Variants in EXOC1L observed in about 807,000 individuals in gnomAD.
The protein encoded by EXOC1L is exocyst complex component 1-like.
In EXOC1L, 10 loss-of-function variants were observed where a neutral mutation model predicts 4.9. The ratio of observed to expected loss-of-function variants is 2.02; its 90% confidence interval spans 1.25 to 3.43. The LOEUF (loss-of-function observed/expected upper bound fraction) is 3.43, where lower values mean the gene tolerates loss of function less well. Among genes scored for constraint, EXOC1L ranks in the 30% most tolerant of loss-of-function variants. EXOC1L has a pLI of 0.00. For missense variants in EXOC1L, 114 were observed against 59.4 expected (o/e 1.92, Z -3.02); for synonymous variants, 41 against 20.8 (o/e 1.97, Z -2.63).
chr4:55,824,005 AAAG>A (rs771191467), intron 1 of EXOC1L, among the ~76,000 whole-genome samples: 13 of 152,132 alleles, frequency 8.5e-5, no homozygotes, highest in African/African-American at 1.7e-4. Flanking sequence ...AAAATAATGA[AAAG>A]AAGAAATATA....
intron 2 of EXOC1L, 116 bp from the exon 3 acceptor site, chr4:55,836,969 T>C (rs1720180912): frequency 2.1e-6 from 1 of 471,546 alleles, no homozygotes; most frequent in Non-Finnish European, 3.8e-6. Context: ...TTTAGAAATA[T>C]GTTTGATACT....
chr4:55,819,976 A>G lies in EXOC1L; in HGVS notation c.-51A>G. ...CGAGAAATCTAGGGAGCAAAAGGAG[A>G]GGAAAGAGTGAGCTTGAGCCAAGAC... On this transcript the variant is annotated 5_prime_UTR_variant, in exon 1 of 3. Coordinates refer to ENST00000636125, the MANE Select transcript of EXOC1L (RefSeq NM_001351574.3). 1 of 398,706 alleles carries G rather than the reference A, an allele frequency of 2.5e-6. No homozygotes were observed. The highest frequency in any genetic ancestry group is 4.4e-5 in the Admixed American group (1 of 22,722). The allele number at this position is 398,706 out of a possible 1,614,324, so 24.7% of individuals were successfully genotyped here.
chr4:55,828,130 T>C (rs1252959801), intron 1 of EXOC1L, among the ~76,000 whole-genome samples: 1 of 152,116 alleles, frequency 6.6e-6, no homozygotes, highest in East Asian at 1.9e-4. Context: ...TCTTCCAAAC[T>C]CCTGGAATAT....
intron 1 of EXOC1L, among the ~76,000 whole-genome samples, chr4:55,827,966 G>A (rs1719927385): frequency 6.6e-6 from 1 of 152,132 alleles, no homozygotes; most frequent in African/African-American, 2.4e-5. Flanking sequence ...GAGAAGGATA[G>A]GTGGGCAGAA....
At chr4:55,821,918 A>C (rs906361656) in intron 1 of EXOC1L, among the ~76,000 whole-genome samples, 10 of 152,232 alleles carry the variant, frequency 6.6e-5, no homozygotes, top group African/African-American at 2.4e-4. Context: ...ACAGTAATTT[A>C]AAATAAGTCA....
At chr4:55,824,808 C>T (rs954751243) in intron 1 of EXOC1L, among the ~76,000 whole-genome samples, 13 of 152,220 alleles carry the variant, frequency 8.5e-5, no homozygotes, top group South Asian at 4.1e-4. Context: ...CTAAAAGGGC[C>T]GGTAGCTTGG....
In EXOC1L at chr4:55,823,877, C is replaced by A. The variant is rs559370139; in HGVS notation, c.121+3730C>A. Among the ~76,000 whole-genome samples, 7 of 152,216 alleles carry A rather than the reference C, an allele frequency of 4.6e-5. No homozygotes were observed. In the East Asian group the frequency reaches 1.4e-3, roughly 29 times the overall value. ...ATCTTCCCTTTTATGACCTATAATA[C>A]TTCCTTTAATAAATATGAATAGATT... On this transcript the variant is annotated intron_variant, in intron 1 of 2. Coordinates refer to ENST00000636125, the MANE Select transcript of EXOC1L (RefSeq NM_001351574.3).
intron 2 of EXOC1L, 120 bp from the exon 3 acceptor site, chr4:55,836,965 A>G (rs1237313207): frequency 2.1e-6 from 1 of 473,534 alleles, no homozygotes; most frequent in East Asian, 3.2e-5. Context: ...AGATTTTAGA[A>G]ATATGTTTGA....
chr4:55,831,148 G>A (rs991573103), intron 1 of EXOC1L, among the ~76,000 whole-genome samples, 186 bp from the exon 2 acceptor site: 7 of 152,070 alleles, frequency 4.6e-5, no homozygotes, highest in African/African-American at 1.4e-4. Flanking sequence ...AAGTTAATAC[G>A]TTGAGCAAAT....
intron 1 of EXOC1L, among the ~76,000 whole-genome samples, chr4:55,827,920 A>G (rs1244728728): frequency 2.0e-5 from 3 of 152,158 alleles, no homozygotes; most frequent in African/African-American, 2.4e-5. Context: ...CAAGACTAAC[A>G]TCTACACCAG....
In EXOC1L at chr4:55,837,171, T is replaced by G; in HGVS notation, c.339T>G (p.Thr113=). ...CTTCTAAATATGCCTTTGCTCGAACTGTAAATAAGCTGAATCATGCATATC... is the reference window on the plus strand; with the variant it reads ...CTTCTAAATATGCCTTTGCTCGAACGGTAAATAAGCTGAATCATGCATATC... ...SCASKYAFAR[T]VNKLNHAYLK... Residue 113 remains threonine, a synonymous_variant, in exon 3 of 3, where the codon ACT becomes ACG. Coordinates refer to ENST00000636125, the MANE Select transcript of EXOC1L (RefSeq NM_001351574.3). 1 of 702,142 alleles carries G rather than the reference T, an allele frequency of 1.4e-6. No homozygotes were observed. The highest frequency in any genetic ancestry group is 2.7e-5 in the East Asian group (1 of 37,250). 43.5% of individuals were successfully genotyped at this position (702,142 alleles called of 1,614,324 possible).
intron 2 of EXOC1L, among the ~76,000 whole-genome samples, chr4:55,836,862 G>A (rs894940026): frequency 2.0e-5 from 3 of 151,852 alleles, no homozygotes; most frequent in Non-Finnish European, 4.4e-5. Flanking sequence ...TTGTCTAATT[G>A]AAAAAACATA....
intron 1 of EXOC1L, among the ~76,000 whole-genome samples, chr4:55,822,129 C>T (rs945323675): frequency 1.3e-5 from 2 of 152,096 alleles, no homozygotes; most frequent in Non-Finnish European, 2.9e-5. Context: ...GTGAGACTTG[C>T]GAGTCCAGTG....
At position 55,837,434 on chromosome 4, in the gene EXOC1L, T is replaced by C. The variant is rs1577669951; in HGVS notation, c.*83T>C. On this transcript the variant is annotated 3_prime_UTR_variant, in exon 3 of 3. Transcript: ENST00000636125. ...TTGATTGTCATAATTTTGTTTTTCC[T>C]TCATCAGTGATTATTATAATTTAAA... is the stretch of plus-strand genomic sequence containing the variant. The C allele has an allele frequency of 2.3e-6, 1 of 440,040 alleles. No homozygotes were observed. The highest frequency in any genetic ancestry group is 3.3e-5 in the East Asian group (1 of 29,942). 27.3% of individuals were successfully genotyped at this position (440,040 alleles called of 1,614,324 possible).
intron 1 of EXOC1L, among the ~76,000 whole-genome samples, chr4:55,822,263 A>G (rs1019227742): frequency 1.3e-5 from 2 of 152,188 alleles, no homozygotes; most frequent in African/African-American, 2.4e-5. Flanking sequence ...ATTATGACTT[A>G]CTGTTAAATC....
intron 1 of EXOC1L, among the ~76,000 whole-genome samples, chr4:55,824,762 T>C (rs1747386916): frequency 6.6e-6 from 1 of 152,224 alleles, no homozygotes; most frequent in Non-Finnish European, 1.5e-5. Context: ...TGAGTCCTCT[T>C]GTTACCTTGC....
intron 1 of EXOC1L, among the ~76,000 whole-genome samples, chr4:55,830,491 C>G (rs1180376483): frequency 6.6e-6 from 1 of 152,148 alleles, no homozygotes; most frequent in Non-Finnish European, 1.5e-5. Flanking sequence ...TTCTATCATG[C>G]AAGTAGCAAA....
At chr4:55,835,712 T>C (rs527927734) in intron 2 of EXOC1L, among the ~76,000 whole-genome samples, 8 of 152,072 alleles carry the variant, frequency 5.3e-5, no homozygotes, top group South Asian at 2.1e-4. Context: ...GTTTGTTTTT[T>C]TCTTGATGAC....
chr4:55,834,313 T>C (rs1242708520), intron 2 of EXOC1L, among the ~76,000 whole-genome samples: 1 of 151,872 alleles, frequency 6.6e-6, no homozygotes, highest in African/African-American at 2.4e-5. Flanking sequence ...CTTGTGCTGA[T>C]TGAGATCTTG....
Sources: gnomAD v4.1 joint callset for allele counts (sites outside exome capture counted in the v4.1 genomes callset) on GRCh38, gnomAD v4.1.1 for gene constraint, MANE v1.5 for transcripts, NCBI Gene and HGNC (gene_info 2026-07-23, HGNC 2026-07-21) for gene names.